Variants in CABP4 observed in about 807,000 individuals in gnomAD.
CABP4 encodes the protein calcium binding protein 4.
CABP4 carries 30 observed loss-of-function variants against 30.7 expected under a neutral mutation model. The observed-to-expected ratio is 0.98, with a 90% CI of 0.73 to 1.33. The LOEUF (loss-of-function observed/expected upper bound fraction) is 1.33. Ranked by LOEUF, CABP4 falls within the 40% of genes most tolerant of loss-of-function variation. The probability of loss-of-function intolerance (pLI) is 0.00; values close to 1 mark genes in which losing one functional copy is unlikely to be tolerated. For missense variants in CABP4, 424 were observed against 395.5 expected, an observed-to-expected ratio of 1.07 and a Z score of -0.61; for synonymous variants, 161 against 159.2, an observed-to-expected ratio of 1.01 and a Z score of -0.08.
In CABP4 at chr11:67,457,581, C is replaced by G; in HGVS notation, c.550C>G (p.Arg184Gly). The change falls in exon 4 of 6, where the codon CGT (arginine) becomes GGT (glycine). Residue 184 changes from arginine (R) to glycine (G), a missense_variant. Transcript: ENST00000325656. ...SQHIKMRMGG[R>G]VDFEEFVELI... is the part of the protein sequence containing the mutation. ...TCTTCCTGGGTCTGCAGTGGGCGGC[C>G]GTGTGGACTTTGAGGAGTTTGTAGA... 6.3e-7 allele frequency: 1 copy of G among 1,588,280 alleles called. No individual in the cohort carries two copies. The highest frequency in any genetic ancestry group is 1.8e-5 in the Admixed American group (1 of 55,722).
chr11:67,460,971 C>T lies in CABP4; in HGVS notation c.*2312C>T, dbSNP rs1462983181. Among the ~76,000 whole-genome samples the T allele has an allele frequency of 1.1e-4, 15 of 136,146 alleles. 1 individual carries two copies. Among genetic ancestry groups the T allele is most frequent in the Admixed American group, 8.6e-4 (11 of 12,798 alleles). The allele number at this position is 136,146 out of a possible 152,430, so 89.3% of individuals were successfully genotyped here. A position where few individuals can be genotyped will look rare whatever the true frequency, so the allele number is the denominator to read the frequency against. On this transcript the variant is annotated 3_prime_UTR_variant, in exon 6 of 6. Transcript: ENST00000325656. ...CTGCACTCCAGCCTGGGCTACAGAG[C>T]GAGACTCCGTCTCGGAAAAAAAAAA...
At chr11:67,455,953 C>T (rs949141088) in intron 1 of CABP4, among the ~76,000 whole-genome samples, 164 bp downstream of exon 1, 1 of 152,032 alleles carries the variant, frequency 6.6e-6, no homozygotes, top group Non-Finnish European at 1.5e-5. Context: ...GGGTAGGTCT[C>T]GGGCCAGCGT....
intron 4 of CABP4, 106 bp downstream of exon 4, chr11:67,457,788 G>A: frequency 5.6e-6 from 5 of 897,378 alleles, no homozygotes; most frequent in Non-Finnish European, 8.6e-6. Flanking sequence ...CCTGCAGGCG[G>A]TGGGACTGGG....
In CABP4 at chr11:67,456,058, A is replaced by G. The variant is rs1422546427; in HGVS notation, c.367-130A>G. The G allele has an allele frequency of 2.6e-6, 4 of 1,555,000 alleles. No homozygotes were observed. The African/African-American group carries it at 4.1e-5, about 16-fold the overall frequency. ...GAGCTTGCTCCTCCTGGGTCCCACG[A>G]GGCTTCAGGGTCCTTTTCCTACTCT... On this transcript the variant is annotated intron_variant, in intron 1 of 5. Coordinates refer to ENST00000325656, the MANE Select transcript of CABP4 (RefSeq NM_145200.5).
Position 67,459,023 on chromosome 11 carries a change from A to C in CABP4, c.*364A>C. 8.9e-6 allele frequency: 3 copies of C among 337,622 alleles called. No individual in the cohort carries two copies. Among genetic ancestry groups the C allele is most frequent in the East Asian group, 6.3e-5 (1 of 16,000 alleles). 20.9% of individuals were successfully genotyped at this position (337,622 alleles called of 1,614,324 possible). A position where few individuals can be genotyped will look rare whatever the true frequency, so the allele number is the denominator to read the frequency against. Reference sequence around the variant, plus strand: ...TGGAGAGGATGGCTGGACCCCTTCCACTACTTATGTTTATAATTTTTTTTT... The same window carrying C: ...TGGAGAGGATGGCTGGACCCCTTCCCCTACTTATGTTTATAATTTTTTTTT... On this transcript the variant is annotated 3_prime_UTR_variant, in exon 6 of 6. Coordinates refer to ENST00000325656, the MANE Select transcript of CABP4 (RefSeq NM_145200.5).
chr11:67,455,483 G>A lies in CABP4; in HGVS notation c.60G>A (p.Lys20=). 1.2e-6 allele frequency: 2 copies of A among 1,609,756 alleles called. No individual in the cohort carries two copies. The highest frequency in any genetic ancestry group is 1.1e-5 in the South Asian group (1 of 90,362). The part of the protein sequence containing the change: ...QGPNLAIGRQ[K]PPAGVVTPKS... ...CAAATCTGGCCATTGGCCGTCAGAAGCCCCCTGCGGGGGTTGTGACTCCCA... is the reference window on the plus strand; with the variant it reads ...CAAATCTGGCCATTGGCCGTCAGAAACCCCCTGCGGGGGTTGTGACTCCCA... Residue 20 remains lysine, a synonymous_variant, in exon 1 of 6, where the codon AAG becomes AAA. Coordinates refer to ENST00000325656, the MANE Select transcript of CABP4 (RefSeq NM_145200.5).
At chr11:67,453,252 C>A (rs1426051751), upstream of CABP4, 1 of 153,750 alleles carries the variant, frequency 6.5e-6, no homozygotes, top group African/African-American at 2.4e-5. Context: ...CCTACCTTGG[C>A]CTCCTGAAAT....
At position 67,455,659 on chromosome 11, in the gene CABP4, G is replaced by A. The variant is rs774005403; in HGVS notation, c.236G>A (p.Gly79Glu). Residue 79 changes from glycine (G) to glutamate (E), a missense_variant, in exon 1 of 6, where the codon GGG becomes GAG. Gly to Glu is a moderately conservative substitution (Grantham distance 98, BLOSUM62 -2). Coordinates refer to ENST00000325656, the MANE Select transcript of CABP4 (RefSeq NM_145200.5). ...SSNNPPSTGE[G>E]PAGAPPASPG... The stretch of plus-strand genomic sequence containing the variant: ...AATAACCCTCCCAGCACTGGAGAGG[G>A]GCCGGCGGGCGCACCCCCTGCATCC... The A allele has an allele frequency of 6.2e-7, 1 of 1,609,420 alleles. No homozygotes were observed. Among genetic ancestry groups the A allele is most frequent in the South Asian group, 1.1e-5 (1 of 90,550 alleles).
chr11:67,460,751 G>A lies in CABP4; in HGVS notation c.*2092G>A, dbSNP rs1275595520. ...TAATCCCAGCACTTTGGGAGGCTGA[G>A]ACGGGCGGGTCACAGGGTCAGGAGA... is the stretch of plus-strand genomic sequence containing the variant. On this transcript the variant is annotated 3_prime_UTR_variant, in exon 6 of 6. Coordinates refer to ENST00000325656, the MANE Select transcript of CABP4 (RefSeq NM_145200.5). 1.3e-5 allele frequency among the ~76,000 whole-genome samples: 2 copies of A among 152,040 alleles called. No individual in the cohort carries two copies. Among genetic ancestry groups the A allele is most frequent in the Non-Finnish European group, 2.9e-5 (2 of 68,014 alleles).
chr11:67,454,566 G>A (rs1474455068), upstream of CABP4, among the ~76,000 whole-genome samples: 1 of 152,158 alleles, frequency 6.6e-6, no homozygotes. Flanking sequence ...CTGTCCCCCC[G>A]GCCCTCACTG....
At chr11:67,453,954 A>G (rs887285556), upstream of CABP4, among the ~76,000 whole-genome samples, 13 of 152,248 alleles carry the variant, frequency 8.5e-5, no homozygotes, top group Admixed American at 3.9e-4. Flanking sequence ...TCATGGGCTC[A>G]GGATGAGGTC....
In CABP4 at chr11:67,460,684, G is replaced by C. The variant is rs1428856335; in HGVS notation, c.*2025G>C. ...AAAGGATGGAAAATATTACAGGGTAGTTAAAAGTCACTGGAAGGCTGGGTG... is the reference window on the plus strand; with the variant it reads ...AAAGGATGGAAAATATTACAGGGTACTTAAAAGTCACTGGAAGGCTGGGTG... On this transcript the variant is annotated 3_prime_UTR_variant, in exon 6 of 6. Coordinates refer to ENST00000325656, the MANE Select transcript of CABP4 (RefSeq NM_145200.5). Among the ~76,000 whole-genome samples the C allele has an allele frequency of 2.0e-5, 3 of 151,840 alleles. No homozygotes were observed. Among genetic ancestry groups the C allele is most frequent in the African/African-American group, 7.3e-5 (3 of 41,346 alleles).
At chr11:67,456,696 T>C (rs961627863) in intron 3 of CABP4, among the ~76,000 whole-genome samples, 3 of 152,226 alleles carry the variant, frequency 2.0e-5, no homozygotes, top group Non-Finnish European at 4.4e-5. Flanking sequence ...TCTGTTGCCA[T>C]GGCCACTATA....
rs149824393 is a variant in CABP4 at position 67,455,473 on chromosome 11, G to C, written c.50G>C (p.Gly17Ala). Residue 17 changes from glycine (G) to alanine (A), a missense_variant, in exon 1 of 6, where the codon GGC (glycine) becomes GCC (alanine). Gly to Ala is a moderately conservative substitution (Grantham distance 60, BLOSUM62 0). Transcript: ENST00000325656. ...CAGCAGGGCCCAAATCTGGCCATTG[G>C]CCGTCAGAAGCCCCCTGCGGGGGTT... ...RGQQGPNLAI[G>A]RQKPPAGVVT... 224 of 1,610,912 alleles carry C rather than the reference G, an allele frequency of 1.4e-4. 2 individuals are homozygous for C. The African/African-American group carries it at 2.7e-3, about 20-fold the overall frequency.
At chr11:67,452,720 T>A, upstream of CABP4, 23 of 1,559,762 alleles carry the variant, frequency 1.5e-5, no homozygotes, top group Non-Finnish European at 1.9e-5. Flanking sequence ...CATGGTAGTG[T>A]CCATTTGGGG....
chr11:67,458,235 G>C (rs1864890914), intron 4 of CABP4, 136 bp from the exon 5 acceptor site: 1 of 698,098 alleles, frequency 1.4e-6, no homozygotes, highest in Non-Finnish European at 1.9e-6. Context: ...CTCCAGCCTG[G>C]TGACAGAGCA....
upstream of CABP4, chr11:67,452,595 GC>G (rs1278757695): frequency 5.6e-6 from 9 of 1,612,204 alleles, no homozygotes; most frequent in Non-Finnish European, 7.6e-6. Flanking sequence ...TTGGCTGGCA[GC>G]CCAAGGAGCA....
chr11:67,458,257 C>CA (rs1864892049), intron 4 of CABP4, 114 bp from the exon 5 acceptor site: 7 of 920,548 alleles, frequency 7.6e-6, no homozygotes, highest in Non-Finnish European at 9.7e-6. Flanking sequence ...GACTCCATCT[C>CA]AAAAAATAAA....
rs1382811119 is a variant in CABP4, at chr11:67,460,720, C to G, written c.*2061C>G. Among the ~76,000 whole-genome samples the G allele has an allele frequency of 2.1e-5, 3 of 145,490 alleles. No homozygotes were observed. The highest frequency in any genetic ancestry group is 3.0e-5 in the Non-Finnish European group (2 of 65,808). On this transcript the variant is annotated 3_prime_UTR_variant, in exon 6 of 6. Transcript: ENST00000325656. ...CTGGAAGGCTGGGTGTGGTGGCTCA[C>G]GCCTGTAATCCCAGCACTTTGGGAG...
Sources: gnomAD v4.1 joint callset for allele counts (sites outside exome capture counted in the v4.1 genomes callset) on GRCh38, gnomAD v4.1.1 for gene constraint, MANE v1.5 for transcripts, NCBI Gene and HGNC (gene_info 2026-07-23, HGNC 2026-07-21) for gene names.